Variants in SH2D4A observed in about 807,000 individuals in gnomAD.
SH2D4A encodes SH2 domain-containing protein 4A.
A neutral mutation model predicts 64.7 loss-of-function variants in SH2D4A; 70 were observed. That is an observed-to-expected ratio of 1.08 (90% CI 0.89 to 1.32). SH2D4A has a LOEUF of 1.32. Ranked by LOEUF, SH2D4A falls within the 40% of genes most tolerant of loss-of-function variation. The pLI, the probability that SH2D4A is intolerant of heterozygous loss-of-function variation, is 0.00. For missense variants in SH2D4A, 706 were observed against 540.1 expected, an observed-to-expected ratio of 1.31 and a Z score of -3.04; for synonymous variants, 268 against 200.7, an observed-to-expected ratio of 1.34 and a Z score of -2.83.
chr8:19,386,825 G>A (rs2053401744), intron 8 of SH2D4A, among the ~76,000 whole-genome samples: 1 of 152,190 alleles, frequency 6.6e-6, no homozygotes, highest in African/African-American at 2.4e-5. Flanking sequence ...TGTCACTCAG[G>A]TTGGAATGCA....
intron 8 of SH2D4A, among the ~76,000 whole-genome samples, chr8:19,385,575 T>C (rs2053375212): frequency 6.6e-6 from 1 of 152,202 alleles, no homozygotes; most frequent in Non-Finnish European, 1.5e-5. Context: ...TCTGAACCTC[T>C]TGGAGGTATT....
At chr8:19,392,432 CTCATAGGCTG>C (rs1303921162) in intron 8 of SH2D4A, among the ~76,000 whole-genome samples, 1 of 152,128 alleles carries the variant, frequency 6.6e-6, no homozygotes, top group Non-Finnish European at 1.5e-5. Context: ...TGTTCTGTGT[CTCATAGGCTG>C]TTTAGCAACA....
intron 6 of SH2D4A, 54 bp downstream of exon 6, chr8:19,361,368 C>G (rs2052885107): frequency 2.0e-5 from 30 of 1,523,786 alleles, no homozygotes; most frequent in Non-Finnish European, 2.5e-5. Flanking sequence ...TGATTCTCTC[C>G]CTTAATAATG....
chr8:19,332,461 C>T (rs1484859385), intron 2 of SH2D4A, among the ~76,000 whole-genome samples: 3 of 152,072 alleles, frequency 2.0e-5, no homozygotes, highest in Non-Finnish European at 4.4e-5. Flanking sequence ...TGGTGAAATC[C>T]TGTCTCTACT....
rs771566983 is a variant in SH2D4A, at chr8:19,373,511, A to C, written c.918-19A>C. 1 of 1,558,318 alleles carries C rather than the reference A, an allele frequency of 6.4e-7. No individual in the cohort carries two copies. Among genetic ancestry groups the C allele is most frequent in the Non-Finnish European group, 8.7e-7 (1 of 1,153,248 alleles). The stretch of plus-strand genomic sequence containing the variant: ...TCAAATTAGTTAAATCTAACTTGAA[A>C]AACTTTTATAAATAACAGAAATCAG... On this transcript the variant is annotated intron_variant, in intron 7 of 9. Coordinates refer to ENST00000265807, the MANE Select transcript of SH2D4A (RefSeq NM_022071.4).
chr8:19,382,030 G>A (rs991331545), intron 8 of SH2D4A, among the ~76,000 whole-genome samples: 1 of 151,904 alleles, frequency 6.6e-6, no homozygotes, highest in Admixed American at 6.6e-5. Context: ...GATTAATTTT[G>A]ATAGTAACCA....
At chr8:19,363,412 G>C (rs753059234) in intron 6 of SH2D4A, among the ~76,000 whole-genome samples, 1 of 152,118 alleles carries the variant, frequency 6.6e-6, no homozygotes, top group Non-Finnish European at 1.5e-5. Flanking sequence ...AAATACTCTT[G>C]TGTTACAGTT....
rs1563202750 is a variant in SH2D4A, at chr8:19,364,239, C to T, written c.874C>T (p.Pro292Ser). 3.1e-6 allele frequency: 5 copies of T among 1,614,050 alleles called. No homozygotes were observed. The South Asian group carries it at 3.3e-5, about 11-fold the overall frequency. Reference sequence around the variant, plus strand: ...AGAAAGACCTCCCCTTCCACCCAAGCCTCAGTTCCTAAACTCAGGGGCATA... The same window carrying T: ...AGAAAGACCTCCCCTTCCACCCAAGTCTCAGTTCCTAAACTCAGGGGCATA... ...KPERPPLPPK[P>S]QFLNSGAYPQ... The change falls in exon 7 of 10, where the codon CCT (proline) becomes TCT (serine). Residue 292 changes from proline (P) to serine (S), a missense_variant. Physicochemically the swap from Pro to Ser is moderately conservative, Grantham distance 74. Transcript: ENST00000265807.
At chr8:19,384,354 G>T (rs189543428) in intron 8 of SH2D4A, among the ~76,000 whole-genome samples, 8 of 152,272 alleles carry the variant, frequency 5.3e-5, no homozygotes, top group East Asian at 1.9e-4. Flanking sequence ...ATTGCTAAAG[G>T]AATAGCCACC....
chr8:19,383,248 T>A (rs1200972122), intron 8 of SH2D4A, among the ~76,000 whole-genome samples: 1 of 152,154 alleles, frequency 6.6e-6, no homozygotes, highest in East Asian at 1.9e-4. Flanking sequence ...TTTATTTTGT[T>A]CTTTCTGTTC....
At chr8:19,386,647 G>GT (rs1181610856) in intron 8 of SH2D4A, among the ~76,000 whole-genome samples, 9 of 152,222 alleles carry the variant, frequency 5.9e-5, no homozygotes, top group African/African-American at 2.2e-4. Context: ...GGCAGGTACA[G>GT]TGGGTGTGTG....
At chr8:19,332,710 A>G in intron 2 of SH2D4A, among the ~76,000 whole-genome samples, 1 of 143,862 alleles carries the variant, frequency 7.0e-6, no homozygotes. Flanking sequence ...AAAAAAAAAA[A>G]AAAGCACGGG....
At chr8:19,353,489 C>G (rs899528701) in intron 4 of SH2D4A, among the ~76,000 whole-genome samples, 8 of 151,664 alleles carry the variant, frequency 5.3e-5, no homozygotes, top group Non-Finnish European at 8.8e-5. Flanking sequence ...TTGCCTCAGC[C>G]TCCTGAGTAG....
chr8:19,364,124 A>T lies in SH2D4A; in HGVS notation c.759A>T (p.Ala253=). The T allele has an allele frequency of 6.2e-7, 1 of 1,614,152 alleles. No individual in the cohort carries two copies. Among genetic ancestry groups the T allele is most frequent in the Non-Finnish European group, 8.5e-7 (1 of 1,180,010 alleles). The change falls in exon 7 of 10, where the codon GCA becomes GCT. Residue 253 remains alanine (A), a synonymous_variant. Transcript: ENST00000265807. ...DEKRRSLAKQ[A]REDYKRLSLG... is the part of the protein sequence containing the mutation. ...AGAGACGCTCCTTGGCTAAACAAGC[A>T]CGAGAAGACTACAAGAGGTTATCCC...
chr8:19,337,279 G>T (rs1447735759), intron 4 of SH2D4A, among the ~76,000 whole-genome samples: 1 of 152,188 alleles, frequency 6.6e-6, no homozygotes, highest in African/African-American at 2.4e-5. Flanking sequence ...AGCCTTTAAA[G>T]AGGTCGTCTG....
chr8:19,323,250 CG>C (rs2052221870), intron 2 of SH2D4A, among the ~76,000 whole-genome samples: 2 of 151,900 alleles, frequency 1.3e-5, no homozygotes, highest in South Asian at 2.1e-4. Flanking sequence ...TGTAAACTAC[CG>C]GATTTCAAAG....
chr8:19,326,996 C>T (rs2052291605), intron 2 of SH2D4A, among the ~76,000 whole-genome samples: 1 of 152,212 alleles, frequency 6.6e-6, no homozygotes, highest in African/African-American at 2.4e-5. Flanking sequence ...CGGCCATCTC[C>T]TTGCCAGGGA....
chr8:19,378,724 T>C (rs933107800), intron 8 of SH2D4A, among the ~76,000 whole-genome samples: 2 of 151,982 alleles, frequency 1.3e-5, no homozygotes, highest in African/African-American at 4.8e-5. Flanking sequence ...TTTTTAAGTG[T>C]ACCATTCAGT....
At chr8:19,337,128 A>T (rs1255755748) in intron 4 of SH2D4A, among the ~76,000 whole-genome samples, 1 of 152,068 alleles carries the variant, frequency 6.6e-6, no homozygotes, top group Admixed American at 6.6e-5. Flanking sequence ...ATGGAAATAG[A>T]TGGGTGACAG....
Sources: gnomAD v4.1 joint callset for allele counts (sites outside exome capture counted in the v4.1 genomes callset) on GRCh38, gnomAD v4.1.1 for gene constraint, MANE v1.5 for transcripts, NCBI Gene and HGNC (gene_info 2026-07-23, HGNC 2026-07-21) for gene names.